Variants in NRG3 observed in about 807,000 individuals in gnomAD.
NRG3 encodes the protein pro-neuregulin-3, membrane-bound isoform.
In NRG3, 31 loss-of-function variants were observed where a neutral mutation model predicts 66.9. That is an observed-to-expected ratio of 0.46 (90% CI 0.35 to 0.63). NRG3 has a LOEUF of 0.63. Among genes scored for constraint, NRG3 ranks in the 20% least tolerant of loss-of-function variants. The pLI is 0.00. For missense variants in NRG3, 910 were observed against 878.9 expected (o/e 1.04, Z -0.45); for synonymous variants, 393 against 359.4 (o/e 1.09, Z -1.06).
intron 2 of NRG3, among the ~76,000 whole-genome samples, chr10:82,537,361 G>A (rs1224411501): frequency 2.0e-5 from 3 of 152,088 alleles, no homozygotes; most frequent in Non-Finnish European, 4.4e-5. Flanking sequence ...TAGCAAGTAT[G>A]ATCAAGTATT....
rs61036028 is a variant in NRG3, at chr10:82,446,694, A to G, written c.953+87826A>G. On this transcript the variant is annotated intron_variant, in intron 2 of 8. Transcript: ENST00000372141. ...AAAATAGCCAATGGATGCTTGGCTT[A>G]ATTCCTGGGTGATGGGCTGATCTGT... Among the ~76,000 whole-genome samples, 839 of 152,278 alleles carry G rather than the reference A, an allele frequency of 5.5e-3. 8 individuals are homozygous for G. Among genetic ancestry groups the G allele is most frequent in the African/African-American group, 0.02 (815 of 41,560 alleles).
chr10:82,464,102 C>G (rs1486513512), intron 2 of NRG3, among the ~76,000 whole-genome samples: 1 of 152,108 alleles, frequency 6.6e-6, no homozygotes, highest in African/African-American at 2.4e-5. Context: ...GAAATTAGTT[C>G]CATTTTACAG....
chr10:82,678,464 A>G, intron 2 of NRG3, among the ~76,000 whole-genome samples: 1 of 152,182 alleles, frequency 6.6e-6, no homozygotes, highest in East Asian at 1.9e-4. Flanking sequence ...TAATGTCATC[A>G]GTTAAGGCAG....
At chr10:82,274,655 G>A (rs1159797190) in intron 1 of NRG3, among the ~76,000 whole-genome samples, 2 of 151,868 alleles carry the variant, frequency 1.3e-5, no homozygotes, top group Non-Finnish European at 2.9e-5. Context: ...TTATTTTAAA[G>A]CCCTTGGTGC....
At chr10:82,436,633 T>C (rs2090155557) in intron 2 of NRG3, among the ~76,000 whole-genome samples, 1 of 152,096 alleles carries the variant, frequency 6.6e-6, no homozygotes, top group Non-Finnish European at 1.5e-5. Context: ...CATAATGTCA[T>C]TGGTTTTTAC....
At chr10:82,214,527 C>T (rs1010197120) in intron 1 of NRG3, among the ~76,000 whole-genome samples, 1 of 152,184 alleles carries the variant, frequency 6.6e-6, no homozygotes, top group East Asian at 1.9e-4. Context: ...TGCAGTGGTG[C>T]AATCATAGCT....
intron 1 of NRG3, among the ~76,000 whole-genome samples, chr10:82,194,206 A>G (rs1306116573): frequency 6.6e-6 from 1 of 152,072 alleles, no homozygotes; most frequent in African/African-American, 2.4e-5. Flanking sequence ...GGCTACATAT[A>G]TGATATGTGT....
At chr10:82,171,862 C>G (rs756934996) in intron 1 of NRG3, among the ~76,000 whole-genome samples, 2 of 152,150 alleles carry the variant, frequency 1.3e-5, no homozygotes, top group East Asian at 1.9e-4. Flanking sequence ...CATGACAACA[C>G]TGCTTCCTAT....
At chr10:82,686,873 A>G (rs1218612382) in intron 2 of NRG3, among the ~76,000 whole-genome samples, 1 of 152,194 alleles carries the variant, frequency 6.6e-6, no homozygotes, top group Non-Finnish European at 1.5e-5. Context: ...GAAAAAATGC[A>G]TATTTTAGCT....
At chr10:82,593,110 T>C (rs2047076564) in intron 2 of NRG3, among the ~76,000 whole-genome samples, 1 of 152,226 alleles carries the variant, frequency 6.6e-6, no homozygotes, top group Middle Eastern at 3.2e-3. Context: ...GTCCCTTCCC[T>C]TTGACCCTGT....
chr10:82,909,153 G>C (rs1287690967), intron 4 of NRG3, among the ~76,000 whole-genome samples: 1 of 152,216 alleles, frequency 6.6e-6, no homozygotes, highest in Non-Finnish European at 1.5e-5. Context: ...TTCACCTGCT[G>C]TATCTGTTAA....
At chr10:82,480,341 T>G (rs1842165549) in intron 2 of NRG3, among the ~76,000 whole-genome samples, 1 of 152,202 alleles carries the variant, frequency 6.6e-6, no homozygotes, top group Non-Finnish European at 1.5e-5. Flanking sequence ...ATTCAACAGG[T>G]GATGTTTAAG....
Position 82,066,140 on chromosome 10 carries a change from A to G in NRG3, c.823+189977A>G, listed in dbSNP as rs180896926. 2.4e-3 allele frequency among the ~76,000 whole-genome samples: 359 copies of G among 152,324 alleles called. 1 individual carries two copies. The highest frequency in any genetic ancestry group is 0.02 in the Middle Eastern group (6 of 294). On this transcript the variant is annotated intron_variant, in intron 1 of 8. Coordinates refer to ENST00000372141, the MANE Select transcript of NRG3 (RefSeq NM_001010848.4). ...GTTAATGAGGATATTAATTTTTCAA[A>G]TATAATTTTTAGTTTCTTTATTTTG...
At chr10:82,042,164 C>T (rs2064627) in intron 1 of NRG3, among the ~76,000 whole-genome samples, 96,616 of 151,700 alleles carry the variant, frequency 0.64, 32,326 homozygotes, top group South Asian at 0.87. Flanking sequence ...ATTTTGAACA[C>T]GAAACCAAAA....
At chr10:82,215,872 T>C (rs1210811547) in intron 1 of NRG3, among the ~76,000 whole-genome samples, 2 of 152,032 alleles carry the variant, frequency 1.3e-5, no homozygotes, top group Non-Finnish European at 2.9e-5. Flanking sequence ...TCATCTATGG[T>C]AAATGTGTAA....
intron 2 of NRG3, among the ~76,000 whole-genome samples, chr10:82,571,334 C>T (rs368496220): frequency 2.0e-5 from 3 of 151,488 alleles, no homozygotes; most frequent in East Asian, 1.9e-4. Flanking sequence ...TGTTTTCCCT[C>T]GCATTTAAAG....
At chr10:82,803,939 A>G (rs1463027467) in intron 3 of NRG3, among the ~76,000 whole-genome samples, 2 of 152,204 alleles carry the variant, frequency 1.3e-5, no homozygotes, top group Non-Finnish European at 2.9e-5. Context: ...AACAATTTAT[A>G]AGTTTTAAAT....
chr10:82,710,260 A>G (rs2134384640), intron 2 of NRG3, among the ~76,000 whole-genome samples: 1 of 152,324 alleles, frequency 6.6e-6, no homozygotes, highest in Non-Finnish European at 1.5e-5. Context: ...TGCAGTGTTT[A>G]ATCACTATTC....
chr10:82,189,129 C>G (rs1258988714), intron 1 of NRG3, among the ~76,000 whole-genome samples: 2 of 152,188 alleles, frequency 1.3e-5, no homozygotes, highest in East Asian at 1.9e-4. Context: ...CCCTTCCCAG[C>G]CTCTGGTAAC....
Sources: allele counts gnomAD v4.1 joint callset (sites outside exome capture counted in the v4.1 genomes callset), GRCh38; gene constraint gnomAD v4.1.1; transcripts MANE v1.5; gene names NCBI Gene and HGNC (gene_info 2026-07-23, HGNC 2026-07-21).